RAP1GAP2: variants seen among roughly 807,000 people sequenced by gnomAD.
RAP1GAP2 encodes the protein rap1 GTPase-activating protein 2.
RAP1GAP2 carries 27 observed loss-of-function variants against 95.0 expected under a neutral mutation model. That is an observed-to-expected ratio of 0.28 (90% confidence interval 0.21 to 0.39). The LOEUF is 0.39. RAP1GAP2 is among the 10% of genes least tolerant of loss of function. The pLI is 1.00. For synonymous variants in RAP1GAP2, 373 were observed against 380.9 expected, an observed-to-expected ratio of 0.98 and a Z score of 0.24; for missense variants, 771 against 970.0, an observed-to-expected ratio of 0.79 and a Z score of 2.72.
chr17:2,802,001 T>C (rs1468548973), intron 2 of RAP1GAP2, among the ~76,000 whole-genome samples: 1 of 152,154 alleles, frequency 6.6e-6, no homozygotes, highest in African/African-American at 2.4e-5. Flanking sequence ...TCTGCTCCAG[T>C]GGAGTGAATT....
intron 2 of RAP1GAP2, among the ~76,000 whole-genome samples, chr17:2,884,143 A>G (rs1350576916): frequency 2.0e-5 from 3 of 152,138 alleles, no homozygotes; most frequent in Non-Finnish European, 2.9e-5. Context: ...TCTAGTGTGC[A>G]TTGCAAGTGA....
chr17:2,821,242 C>T (rs2070292238), intron 2 of RAP1GAP2, among the ~76,000 whole-genome samples: 2 of 151,930 alleles, frequency 1.3e-5, no homozygotes, highest in African/African-American at 4.8e-5. Context: ...TTAAAAATAG[C>T]ACTTTTCCTG....
intron 17 of RAP1GAP2, among the ~76,000 whole-genome samples, chr17:3,009,540 C>G (rs7207048): frequency 2.0e-5 from 3 of 152,042 alleles, no homozygotes; most frequent in African/African-American, 7.3e-5. Context: ...CCTCCCACTT[C>G]CTGACTTTGT....
intron 8 of RAP1GAP2, among the ~76,000 whole-genome samples, chr17:2,979,980 G>C (rs2045292465): frequency 6.7e-6 from 1 of 150,348 alleles, no homozygotes; most frequent in African/African-American, 2.4e-5. Flanking sequence ...CACTCTTGTT[G>C]CCCAGGCTGG....
chr17:2,800,375 A>G, intron 1 of RAP1GAP2, 140 bp from the exon 2 acceptor site: 1 of 1,294,318 alleles, frequency 7.7e-7, no homozygotes, highest in South Asian at 1.3e-5. Flanking sequence ...CTGCTAGCGG[A>G]GAACTGGCCC....
intron 1 of RAP1GAP2, among the ~76,000 whole-genome samples, chr17:2,789,993 C>G (rs1210847173): frequency 6.6e-6 from 1 of 152,054 alleles, no homozygotes; most frequent in African/African-American, 2.4e-5. Context: ...TATGCAGATG[C>G]TAGGTGCTGT....
chr17:2,898,508 C>T (rs1350008908), intron 2 of RAP1GAP2, among the ~76,000 whole-genome samples: 2 of 152,234 alleles, frequency 1.3e-5, no homozygotes, highest in Non-Finnish European at 2.9e-5. Flanking sequence ...GTGCCCGCAT[C>T]TCCATGTCTG....
At chr17:2,841,673 G>A (rs1313883210) in intron 2 of RAP1GAP2, among the ~76,000 whole-genome samples, 1 of 152,160 alleles carries the variant, frequency 6.6e-6, no homozygotes, top group Non-Finnish European at 1.5e-5. Context: ...AATGCTGAAG[G>A]CAGGAAGATG....
intron 2 of RAP1GAP2, among the ~76,000 whole-genome samples, chr17:2,875,891 C>T (rs1201118640): frequency 6.6e-6 from 1 of 151,776 alleles, no homozygotes; most frequent in African/African-American, 2.4e-5. Context: ...AGTCATCCTT[C>T]CTGTAGCCTT....
intron 2 of RAP1GAP2, among the ~76,000 whole-genome samples, chr17:2,819,547 C>T (rs908565738): frequency 6.6e-6 from 1 of 151,764 alleles, no homozygotes; most frequent in Non-Finnish European, 1.5e-5. Flanking sequence ...AATCTCGGCT[C>T]ATTGCAGCCT....
rs749102479 is a variant in RAP1GAP2 at position 2,905,325 on chromosome 17, A to G, written c.122A>G (p.Asp41Gly). 1 of 1,613,648 alleles carries G rather than the reference A, an allele frequency of 6.2e-7. No homozygotes were observed. Among genetic ancestry groups the G allele is most frequent in the Non-Finnish European group, 8.5e-7 (1 of 1,179,806 alleles). Residue 41 changes from aspartate to glycine, a missense_variant, in exon 3 of 25, where the codon GAC becomes GGC. Transcript: ENST00000254695. ...AACAGCTCGGATGCGACCCTCCCAG[A>G]CCGGCCGCTCTCCCCTCCTCTCACG... ...LANSSDATLP[D>G]RPLSPPLTAP... is the part of the protein sequence containing the mutation.
intron 3 of RAP1GAP2, among the ~76,000 whole-genome samples, chr17:2,919,360 G>T (rs1166947082): frequency 1.3e-5 from 2 of 152,220 alleles, no homozygotes; most frequent in East Asian, 1.9e-4. Context: ...CCTCATGAAG[G>T]TTTTTGGGAC....
intron 23 of RAP1GAP2, 32 bp downstream of exon 23, chr17:3,031,030 A>G (rs768286795): frequency 3.2e-6 from 5 of 1,552,066 alleles, no homozygotes; most frequent in Non-Finnish European, 3.5e-6. Context: ...CCCACACTCC[A>G]CTTTCTGCAG....
intron 19 of RAP1GAP2, 108 bp downstream of exon 19, chr17:3,020,703 C>A: frequency 3.0e-6 from 3 of 991,356 alleles, no homozygotes; most frequent in South Asian, 3.1e-5. Context: ...CTTTGCTCAG[C>A]TTTAGGAGAT....
At position 2,866,945 on chromosome 17, in the gene RAP1GAP2, G is replaced by A. The variant is rs1199543047; in HGVS notation, c.81-38339G>A. 6.6e-6 allele frequency among the ~76,000 whole-genome samples: 1 copy of A among 151,604 alleles called. No individual in the cohort carries two copies. The highest frequency in any genetic ancestry group is 1.5e-5 in the Non-Finnish European group (1 of 67,970). ...AGATGGAGTCTCACTCTGTCACCCAGGCTGGAGTGCAGTGGTACAATCTCG... is the reference window on the plus strand; with the variant it reads ...AGATGGAGTCTCACTCTGTCACCCAAGCTGGAGTGCAGTGGTACAATCTCG... On this transcript the variant is annotated intron_variant, in intron 2 of 24. Transcript: ENST00000254695. This position sits in a 1 kb window ranked among gnomAD's most constrained non-coding sequence, Gnocchi z 4.0.
chr17:2,848,363 C>T (rs139816876), intron 2 of RAP1GAP2, among the ~76,000 whole-genome samples: 187 of 152,130 alleles, frequency 1.2e-3, no homozygotes, highest in African/African-American at 4.3e-3. Context: ...TCCTGGCCTG[C>T]GTTTATCACG....
chr17:2,816,440 C>T (rs1420790276), intron 2 of RAP1GAP2, among the ~76,000 whole-genome samples: 2 of 151,920 alleles, frequency 1.3e-5, no homozygotes, highest in African/African-American at 4.8e-5. Flanking sequence ...CGGGTTCAAG[C>T]GATTCTCCTG....
At chr17:3,026,665 A>C (rs985596029) in intron 21 of RAP1GAP2, among the ~76,000 whole-genome samples, 2 of 152,188 alleles carry the variant, frequency 1.3e-5, no homozygotes, top group African/African-American at 2.4e-5. Flanking sequence ...TCAGAGTGAC[A>C]TAGCAGCAGC....
At chr17:2,990,871 G>A (rs1280652609) in intron 11 of RAP1GAP2, among the ~76,000 whole-genome samples, 1 of 143,968 alleles carries the variant, frequency 6.9e-6, no homozygotes, top group Non-Finnish European at 1.5e-5. Flanking sequence ...TTGAGACGGG[G>A]TCTCACTCTG....
Sources: allele counts gnomAD v4.1 joint callset (sites outside exome capture counted in the v4.1 genomes callset), GRCh38; gene constraint gnomAD v4.1.1; non-coding constraint Gnocchi (gnomAD v3.1); transcripts MANE v1.5; gene names NCBI Gene and HGNC (gene_info 2026-07-23, HGNC 2026-07-21).